Variants in BRINP2 observed in about 807,000 individuals in gnomAD.
The protein encoded by BRINP2 is BMP/retinoic acid-inducible neural-specific protein 2.
A neutral mutation model predicts 69.2 loss-of-function variants in BRINP2; 21 were observed. That is an observed-to-expected ratio of 0.30 (90% CI 0.22 to 0.44). The LOEUF (loss-of-function observed/expected upper bound fraction) is 0.44. Ranked by LOEUF, BRINP2 falls within the 20% of genes least tolerant of loss-of-function variation. The pLI is 1.00. For synonymous variants in BRINP2, 380 were observed against 394.1 expected (o/e 0.96, Z 0.42); for missense variants, 877 against 986.0 (o/e 0.89, Z 1.48).
chr1:177,248,437 G>A (rs1364082897), intron 2 of BRINP2, among the ~76,000 whole-genome samples: 1 of 146,858 alleles, frequency 6.8e-6, no homozygotes, highest in Non-Finnish European at 1.5e-5. Context: ...GGTACAGTTT[G>A]TGTGTGTGTG....
chr1:177,213,224 C>T (rs957477875), intron 1 of BRINP2, among the ~76,000 whole-genome samples: 2 of 152,142 alleles, frequency 1.3e-5, no homozygotes, highest in African/African-American at 4.8e-5. Context: ...CATAAATCAG[C>T]GTTTCTCGAT....
At chr1:177,232,135 A>G (rs560394082) in intron 2 of BRINP2, among the ~76,000 whole-genome samples, 2 of 152,184 alleles carry the variant, frequency 1.3e-5, no homozygotes, top group Non-Finnish European at 2.9e-5. Context: ...TAAAAAGTGT[A>G]TTGGAATTGA....
intron 2 of BRINP2, among the ~76,000 whole-genome samples, chr1:177,238,926 A>G (rs901063781): frequency 6.6e-6 from 1 of 152,218 alleles, no homozygotes; most frequent in Non-Finnish European, 1.5e-5. Context: ...AGGGTCTGCT[A>G]TTTGTACACT....
chr1:177,255,853 T>G (rs992654891), intron 2 of BRINP2, 66 bp from the exon 3 acceptor site: 1 of 1,505,706 alleles, frequency 6.6e-7, no homozygotes, highest in Non-Finnish European at 9.1e-7. Flanking sequence ...ATTACCTACT[T>G]CAGATTTTAT....
intron 1 of BRINP2, among the ~76,000 whole-genome samples, chr1:177,177,294 AAACAACAACAAC>A (rs149219703): frequency 4.0e-5 from 6 of 151,296 alleles, no homozygotes; most frequent in African/African-American, 1.2e-4. Flanking sequence ...ACAAACAAAC[AAACAACAACAAC>A]AACAACAACA....
chr1:177,186,912 G>A (rs1044368964), intron 1 of BRINP2, among the ~76,000 whole-genome samples: 9 of 152,062 alleles, frequency 5.9e-5, no homozygotes, highest in South Asian at 4.1e-4. Flanking sequence ...AACAATATGC[G>A]CCTTTTAATG....
intron 2 of BRINP2, among the ~76,000 whole-genome samples, chr1:177,240,554 T>C (rs1407162003): frequency 6.6e-6 from 1 of 152,168 alleles, no homozygotes; most frequent in Admixed American, 6.5e-5. Context: ...AAAGAGGCTG[T>C]GAGAGTCCCT....
intron 4 of BRINP2, 136 bp downstream of exon 4, chr1:177,257,520 G>A: frequency 1.2e-6 from 1 of 861,482 alleles, no homozygotes; most frequent in Non-Finnish European, 1.8e-6. Context: ...TGAAGACACA[G>A]CCAGCCTTCA....
intron 4 of BRINP2, among the ~76,000 whole-genome samples, chr1:177,272,218 T>C (rs1159012787): frequency 6.6e-6 from 1 of 152,214 alleles, no homozygotes; most frequent in Non-Finnish European, 1.5e-5. Context: ...TCCCTTTGTT[T>C]AGAGCTGTGC....
intron 1 of BRINP2, among the ~76,000 whole-genome samples, chr1:177,190,683 T>C (rs1402732153): frequency 4.6e-5 from 7 of 152,156 alleles, no homozygotes; most frequent in Admixed American, 6.5e-5. Context: ...GAAGTGAGCA[T>C]TGGGTCCCAG....
chr1:177,257,045 G>C lies in BRINP2; in HGVS notation c.461-131G>C, dbSNP rs769150898. 15 of 1,553,046 alleles carry C rather than the reference G, an allele frequency of 9.7e-6. No homozygotes were observed. The South Asian group carries it at 1.8e-4, about 18-fold the overall frequency. On this transcript the variant is annotated intron_variant, in intron 3 of 7. Transcript: ENST00000361539. Reference sequence around the variant, plus strand: ...TTCTTCTAAAGATGGTAAGGGCTGGGGGAAGAGCTTGGCAGCAGGGGCTGC... The same window carrying C: ...TTCTTCTAAAGATGGTAAGGGCTGGCGGAAGAGCTTGGCAGCAGGGGCTGC...
intron 1 of BRINP2, among the ~76,000 whole-genome samples, chr1:177,220,113 A>G (rs1649481552): frequency 6.6e-6 from 1 of 152,256 alleles, no homozygotes; most frequent in African/African-American, 2.4e-5. Context: ...AATGGCTAGA[A>G]TATATAAAGA....
At chr1:177,265,215 C>A (rs1651079458) in intron 4 of BRINP2, among the ~76,000 whole-genome samples, 1 of 152,142 alleles carries the variant, frequency 6.6e-6, no homozygotes, top group Admixed American at 6.5e-5. Context: ...AATGATTCCC[C>A]TATTTAATAA....
intron 2 of BRINP2, among the ~76,000 whole-genome samples, chr1:177,248,446 TGTGTGTGTGCGTGCGTGTGTGTGTGC>T (rs1479045155): frequency 2.0e-5 from 3 of 151,224 alleles, no homozygotes; most frequent in Non-Finnish European, 4.4e-5. Context: ...TGTGTGTGTG[TGTGTGTGTGCGTGCGTGTGTGTGTGC>T]GTGTGTGTGT....
chr1:177,227,624 A>G (rs1303693649), intron 1 of BRINP2, among the ~76,000 whole-genome samples: 1 of 149,080 alleles, frequency 6.7e-6, no homozygotes. Context: ...TTTTTTTTTC[A>G]TGGTAATGCA....
intron 1 of BRINP2, among the ~76,000 whole-genome samples, chr1:177,204,281 T>C (rs1319330797): frequency 6.6e-6 from 1 of 151,946 alleles, no homozygotes; most frequent in Non-Finnish European, 1.5e-5. Flanking sequence ...ATCATGTGAG[T>C]TCAGGAGAGG....
chr1:177,262,635 C>G lies in BRINP2; in HGVS notation c.669+5251C>G, dbSNP rs117872480. Among the ~76,000 whole-genome samples, 295 of 152,250 alleles carry G rather than the reference C, an allele frequency of 1.9e-3. 2 individuals are homozygous for G. In the East Asian group the frequency reaches 0.041, roughly 21 times the overall value. On this transcript the variant is annotated intron_variant, in intron 4 of 7. Transcript: ENST00000361539. ...TGAGTGCTTCATCCTTCCTAACAGG[C>G]GGCAATGCAGAGGGCACAAAGACAA...
At chr1:177,256,245 G>C in intron 3 of BRINP2, 136 bp downstream of exon 3, 1 of 1,421,604 alleles carries the variant, frequency 7.0e-7, no homozygotes, top group Non-Finnish European at 9.3e-7. Flanking sequence ...TGGTGCATTT[G>C]AAAACAGTGC....
intron 1 of BRINP2, among the ~76,000 whole-genome samples, chr1:177,227,499 T>C (rs866178350): frequency 7.9e-5 from 12 of 152,222 alleles, no homozygotes; most frequent in African/African-American, 2.9e-4. Flanking sequence ...TAAATGAATA[T>C]GTGAATGATT....
Sources: gnomAD v4.1 joint callset for allele counts (sites outside exome capture counted in the v4.1 genomes callset) on GRCh38, gnomAD v4.1.1 for gene constraint, MANE v1.5 for transcripts, NCBI Gene and HGNC (gene_info 2026-07-23, HGNC 2026-07-21) for gene names.